CPNE1: variants seen among roughly 807,000 people sequenced by gnomAD.
The protein encoded by CPNE1 is copine 1.
CPNE1 carries 58 observed loss-of-function variants against 63.2 expected under a neutral mutation model. That is an observed-to-expected ratio of 0.92 (90% CI 0.74 to 1.14). The LOEUF (loss-of-function observed/expected upper bound fraction) is 1.14, where lower values mean the gene tolerates loss of function less well. Ranked by LOEUF, CPNE1 falls within the 50% of genes most tolerant of loss-of-function variation. The probability of loss-of-function intolerance (pLI) is 0.00; values close to 1 mark genes in which losing one functional copy is unlikely to be tolerated. For missense variants in CPNE1, 672 were observed against 661.7 expected (o/e 1.02, Z -0.17); for synonymous variants, 237 against 249.0 (o/e 0.95, Z 0.45).
At chr20:35,651,362 C>T (rs1271109919) in intron 1 of CPNE1, 2 of 152,186 alleles carry the variant, frequency 1.3e-5, no homozygotes, top group Admixed American at 6.5e-5. Context: ...CTGGCGGCTG[C>T]ACTTGTACTC....
intron 1 of CPNE1, among the ~76,000 whole-genome samples, chr20:35,641,097 TCA>T (rs1259011668): frequency 6.6e-6 from 1 of 152,240 alleles, no homozygotes; most frequent in African/African-American, 2.4e-5. Context: ...GCACATTCTC[TCA>T]GTGTCCCTTA....
intron 1 of CPNE1, chr20:35,653,136 T>C (rs1418190067): frequency 1.2e-6 from 2 of 1,613,526 alleles, no homozygotes; most frequent in African/African-American, 1.3e-5. Flanking sequence ...AGGCATTTGA[T>C]CCACCAAAAT....
intron 1 of CPNE1, among the ~76,000 whole-genome samples, chr20:35,633,610 T>C (rs2032304246): frequency 6.6e-6 from 1 of 152,164 alleles, no homozygotes; most frequent in Non-Finnish European, 1.5e-5. Context: ...TTCCCCCATG[T>C]CCACCCCAAC....
At position 35,626,394 on chromosome 20, in the gene CPNE1, G is replaced by C. The variant is rs1245742641; in HGVS notation, c.1474-13C>G. 2 of 1,613,246 alleles carry C rather than the reference G, an allele frequency of 1.2e-6. No individual in the cohort carries two copies. The highest frequency in any genetic ancestry group is 1.7e-6 in the Non-Finnish European group (2 of 1,179,422). ...CCTCCCGAGGGGCCTGCCAAGAAAA[G>C]GGAAAAGTCAGTGGTGGCCCAGAAC... is the stretch of plus-strand genomic sequence containing the variant. On this transcript the variant is annotated splice_polypyrimidine_tract_variant and intron_variant, in intron 15 of 15. Transcript: ENST00000397443.
At chr20:35,641,978 A>C (rs891382335) in intron 1 of CPNE1, among the ~76,000 whole-genome samples, 1 of 152,216 alleles carries the variant, frequency 6.6e-6, no homozygotes, top group African/African-American at 2.4e-5. Context: ...GGTAAGTTTA[A>C]AACTGTAGAA....
chr20:35,646,390 C>CTTTTTT (rs559754204), intron 1 of CPNE1, among the ~76,000 whole-genome samples: 1 of 122,592 alleles, frequency 8.2e-6, no homozygotes, highest in Non-Finnish European at 1.7e-5. Context: ...AGTGACAAGG[C>CTTTTTT]TTTTTTTTTT....
chr20:35,639,422 C>T (rs976292748), intron 1 of CPNE1, among the ~76,000 whole-genome samples: 1 of 152,114 alleles, frequency 6.6e-6, no homozygotes, highest in Non-Finnish European at 1.5e-5. Flanking sequence ...TAGTAACCTC[C>T]GCCTCCTGGG....
At chr20:35,626,407 G>A (rs1368251850) in intron 15 of CPNE1, 26 bp from the exon 16 acceptor site, 1 of 1,612,668 alleles carries the variant, frequency 6.2e-7, no homozygotes, top group Non-Finnish European at 8.5e-7. Flanking sequence ...AAAAGTCAGT[G>A]GTGGCCCAGA....
intron 1 of CPNE1, among the ~76,000 whole-genome samples, chr20:35,648,619 A>C (rs2033294167): frequency 6.6e-6 from 1 of 152,196 alleles, no homozygotes; most frequent in Non-Finnish European, 1.5e-5. Flanking sequence ...CCAAATTCTA[A>C]TACAAGCTAA....
chr20:35,652,690 C>T, intron 1 of CPNE1: 1 of 1,614,076 alleles, frequency 6.2e-7, no homozygotes, highest in Non-Finnish European at 8.5e-7. Context: ...TACTTGATAG[C>T]CATAAAAGAA....
At chr20:35,629,703 A>T (rs1289094474) in intron 13 of CPNE1, among the ~76,000 whole-genome samples, 2 of 149,744 alleles carry the variant, frequency 1.3e-5, no homozygotes, top group East Asian at 4.0e-4. Context: ...CCCAGGCTGG[A>T]GTATAGTGGC....
At chr20:35,627,558 TCTCCTACACATGA>T (rs2031844513) in intron 13 of CPNE1, 145 bp from the exon 14 acceptor site, 2 of 734,906 alleles carry the variant, frequency 2.7e-6, no homozygotes, top group Non-Finnish European at 4.2e-6. Context: ...TACTTAACTG[TCTCCTACACATGA>T]GGAAACTAAG....
chr20:35,632,873 G>C lies in CPNE1; in HGVS notation c.51C>G (p.Leu17=), dbSNP rs200733763. ...ACTTGGAGCCGATGTCCTTGTCAAT[G>C]AGATGGTCACAGGAAATGGACAGCT... is the stretch of plus-strand genomic sequence containing the variant. ...LVQLSISCDH[L]IDKDIGSKSD... Residue 17 remains leucine (L), a synonymous_variant, in exon 2 of 16, where the codon CTC becomes CTG. Coordinates refer to ENST00000397443, the MANE Select transcript of CPNE1 (RefSeq NM_152925.3). The C allele has an allele frequency of 1.1e-6, 1 of 872,952 alleles. No individual in the cohort carries two copies. The highest frequency in any genetic ancestry group is 1.6e-5 in the African/African-American group (1 of 61,444). 54.1% of individuals were successfully genotyped at this position (872,952 alleles called of 1,614,324 possible). A position where few individuals can be genotyped will look rare whatever the true frequency, so the allele number is the denominator to read the frequency against.
intron 1 of CPNE1, among the ~76,000 whole-genome samples, chr20:35,636,426 T>C (rs17092869): frequency 0.011 from 1,641 of 152,312 alleles, 77 homozygotes; most frequent in Admixed American, 0.077. Flanking sequence ...ATCAACTAAA[T>C]ATGATACATC....
At chr20:35,640,755 C>T (rs2032753682) in intron 1 of CPNE1, among the ~76,000 whole-genome samples, 1 of 152,152 alleles carries the variant, frequency 6.6e-6, no homozygotes, top group South Asian at 2.1e-4. Flanking sequence ...AGCAGGTGCT[C>T]TACTGATATC....
intron 1 of CPNE1, among the ~76,000 whole-genome samples, chr20:35,640,626 A>G (rs1568920916): frequency 6.6e-6 from 1 of 152,146 alleles, no homozygotes; most frequent in South Asian, 2.1e-4. Flanking sequence ...CAAAACCCCA[A>G]TTCTTATAAT....
At chr20:35,650,976 C>A (rs1201775491) in intron 1 of CPNE1, 1 of 152,508 alleles carries the variant, frequency 6.6e-6, no homozygotes, top group Admixed American at 6.6e-5. Flanking sequence ...TTCATGATCT[C>A]TCATCTATCT....
intron 1 of CPNE1, 61 bp downstream of exon 1, chr20:35,664,699 C>T (rs2034444687): frequency 6.6e-6 from 1 of 152,366 alleles, no homozygotes; most frequent in Non-Finnish European, 1.5e-5. Flanking sequence ...CGCCCCGGGC[C>T]ACCAAGGGGC....
At chr20:35,660,969 T>A (rs6058293) in intron 1 of CPNE1, among the ~76,000 whole-genome samples, 39,358 of 152,160 alleles carry the variant, frequency 0.26, 5,912 homozygotes, top group African/African-American at 0.43. Flanking sequence ...AAAAGGAAGA[T>A]ATTTCTCATT....
Sources: allele counts gnomAD v4.1 joint callset (sites outside exome capture counted in the v4.1 genomes callset), GRCh38; gene constraint gnomAD v4.1.1; transcripts MANE v1.5; gene names NCBI Gene and HGNC (gene_info 2026-07-23, HGNC 2026-07-21).